Variants in TGFBR3 observed in about 807,000 individuals in gnomAD.
The protein encoded by TGFBR3 is transforming growth factor beta receptor 3.
Under a neutral mutation model 87.9 loss-of-function variants are expected in TGFBR3, and 46 were observed. The ratio of observed to expected loss-of-function variants is 0.52; its 90% CI spans 0.41 to 0.67. TGFBR3 has a LOEUF of 0.67. Ranked by LOEUF, TGFBR3 falls within the 30% of genes least tolerant of loss-of-function variation. The pLI is 0.00. For missense variants in TGFBR3, 866 were observed against 1,041.9 expected, an observed-to-expected ratio of 0.83 and a Z score of 2.32; for synonymous variants, 381 against 391.6, an observed-to-expected ratio of 0.97 and a Z score of 0.32.
At chr1:91,886,510 G>A (rs1161962837), upstream of TGFBR3, among the ~76,000 whole-genome samples, 1 of 152,194 alleles carries the variant, frequency 6.6e-6, no homozygotes, top group Non-Finnish European at 1.5e-5. Context: ...CGAGCTGCGG[G>A]GACTCGCTCC....
chr1:91,747,429 G>A (rs991355122), intron 4 of TGFBR3, among the ~76,000 whole-genome samples: 8 of 152,216 alleles, frequency 5.3e-5, no homozygotes, highest in Non-Finnish European at 8.8e-5. Context: ...TTCCCTCTCT[G>A]TCCCCTCTTC....
Position 91,818,277 on chromosome 1 carries a change from C to CTTTTTTTTTTTTTT in TGFBR3, c.62-20807_62-20806insAAAAAAAAAAAAAA, listed in dbSNP as rs1557726893. ...CTGCACCATTTCCCCTTAGCCCCAG[C>CTTTTTTTTTTTTTT]CTTTTTTTTTTTTTTTTTTTTTTTT... On this transcript the variant is annotated intron_variant, in intron 2 of 16. Coordinates refer to ENST00000212355, the MANE Select transcript of TGFBR3 (RefSeq NM_003243.5). Among the ~76,000 whole-genome samples the CTTTTTTTTTTTTTT allele has an allele frequency of 1.6e-5, 2 of 123,142 alleles. 1 individual carries two copies. Among genetic ancestry groups the CTTTTTTTTTTTTTT allele is most frequent in the Non-Finnish European group, 3.4e-5 (2 of 59,522 alleles). The allele number at this position is 123,142 out of a possible 152,430, so 80.8% of individuals were successfully genotyped here. A position where few individuals can be genotyped will look rare whatever the true frequency, so the allele number is the denominator to read the frequency against.
chr1:91,884,229 A>G (rs1174033103), intron 1 of TGFBR3, among the ~76,000 whole-genome samples: 1 of 151,854 alleles, frequency 6.6e-6, no homozygotes, highest in Non-Finnish European at 1.5e-5. Flanking sequence ...CTGAGTCAGG[A>G]GAAACTCTTG....
chr1:91,805,255 G>A (rs1201697740), intron 2 of TGFBR3, among the ~76,000 whole-genome samples: 1 of 152,128 alleles, frequency 6.6e-6, no homozygotes, highest in African/African-American at 2.4e-5. Context: ...GGTATGTGAC[G>A]AGTACAAGAT....
At chr1:91,788,921 G>A (rs1049374346) in intron 3 of TGFBR3, among the ~76,000 whole-genome samples, 21 of 152,198 alleles carry the variant, frequency 1.4e-4, no homozygotes, top group African/African-American at 4.8e-4. Flanking sequence ...CATGGCAACA[G>A]TAGTACAGGT....
intron 4 of TGFBR3, among the ~76,000 whole-genome samples, chr1:91,747,810 C>T (rs903202803): frequency 6.6e-6 from 1 of 152,194 alleles, no homozygotes; most frequent in African/African-American, 2.4e-5. Context: ...CAAGGCTTCC[C>T]TGAGGAAGAA....
intron 2 of TGFBR3, among the ~76,000 whole-genome samples, chr1:91,803,858 C>G (rs1172800797): frequency 6.6e-6 from 1 of 152,174 alleles, no homozygotes; most frequent in Non-Finnish European, 1.5e-5. Flanking sequence ...TCTCATGGTA[C>G]TCTCCGTTTC....
At chr1:91,807,405 TAACA>T (rs1675873006) in intron 2 of TGFBR3, among the ~76,000 whole-genome samples, 1 of 152,224 alleles carries the variant, frequency 6.6e-6, no homozygotes, top group Non-Finnish European at 1.5e-5. Context: ...ACCTTCCTCC[TAACA>T]AACTAACCCT....
intron 6 of TGFBR3, among the ~76,000 whole-genome samples, chr1:91,729,037 C>A (rs1672652415): frequency 6.6e-5 from 1 of 15,166 alleles, no homozygotes; most frequent in South Asian, 8.7e-4. Context: ...CCAGCATACA[C>A]ACACACACAC....
At chr1:91,778,044 T>A (rs1398015528) in intron 3 of TGFBR3, among the ~76,000 whole-genome samples, 1 of 152,050 alleles carries the variant, frequency 6.6e-6, no homozygotes, top group Non-Finnish European at 1.5e-5. Context: ...TGGAAAATCA[T>A]GAAATTTTTA....
chr1:91,719,790 G>A lies in TGFBR3; in HGVS notation c.1413+103C>T, dbSNP rs565655736. 2.8e-4 allele frequency: 363 copies of A among 1,304,276 alleles called. 1 individual carries two copies. The African/African-American group carries it at 4.0e-3, about 14-fold the overall frequency. 80.8% of individuals were successfully genotyped at this position (1,304,276 alleles called of 1,614,324 possible). A position where few individuals can be genotyped will look rare whatever the true frequency, so the allele number is the denominator to read the frequency against. Reference sequence around the variant, plus strand: ...ACTGAGAAAACAGTATCAAGCCTCCGGAGTTCAAAAATGAAAGAGATAGGG... The same window carrying A: ...ACTGAGAAAACAGTATCAAGCCTCCAGAGTTCAAAAATGAAAGAGATAGGG... On this transcript the variant is annotated intron_variant, in intron 9 of 16. Coordinates refer to ENST00000212355, the MANE Select transcript of TGFBR3 (RefSeq NM_003243.5).
At chr1:91,777,438 C>T (rs894596022) in intron 3 of TGFBR3, among the ~76,000 whole-genome samples, 13 of 152,288 alleles carry the variant, frequency 8.5e-5, no homozygotes, top group African/African-American at 2.6e-4. Flanking sequence ...GTCTCCTCCC[C>T]TAGTCTTGGA....
At chr1:91,801,034 G>A in intron 2 of TGFBR3, 1 of 212,328 alleles carries the variant, frequency 4.7e-6, no homozygotes. Flanking sequence ...AGTGAGCCAA[G>A]ATCGCGCCAT....
chr1:91,759,373 C>T (rs1430693006), intron 3 of TGFBR3, among the ~76,000 whole-genome samples: 1 of 115,080 alleles, frequency 8.7e-6, no homozygotes, highest in Non-Finnish European at 1.7e-5. Context: ...TGATTGTATA[C>T]AGCCCCTGTC....
chr1:91,840,757 T>C (rs1677244210), intron 2 of TGFBR3, among the ~76,000 whole-genome samples: 1 of 152,242 alleles, frequency 6.6e-6, no homozygotes, highest in South Asian at 2.1e-4. Context: ...CGAAATTTTA[T>C]TATTGGCAAC....
At chr1:91,710,217 GCAACATGC>G (rs1183698551) in intron 13 of TGFBR3, among the ~76,000 whole-genome samples, 1 of 152,114 alleles carries the variant, frequency 6.6e-6, no homozygotes, top group African/African-American at 2.4e-5. Flanking sequence ...GCTGCTCTGA[GCAACATGC>G]CAGTCAGACA....
Position 91,704,820 on chromosome 1 carries a change from A to C in TGFBR3, c.2287+3843T>G, listed in dbSNP as rs186509503. ...GGTTCCATTAAAAACAGTGGCCCAG[A>C]GGAGGAATCCAGAAACATTTTTATA... On this transcript the variant is annotated intron_variant, in intron 14 of 16. Coordinates refer to ENST00000212355, the MANE Select transcript of TGFBR3 (RefSeq NM_003243.5). Among the ~76,000 whole-genome samples the C allele has an allele frequency of 1.3e-3, 202 of 152,330 alleles. 1 individual carries two copies. The highest frequency in any genetic ancestry group is 4.5e-3 in the African/African-American group (185 of 41,572).
At chr1:91,787,365 G>T (rs1368168816) in intron 3 of TGFBR3, among the ~76,000 whole-genome samples, 3 of 152,080 alleles carry the variant, frequency 2.0e-5, no homozygotes, top group African/African-American at 7.2e-5. Flanking sequence ...TGAGGAAACA[G>T]GGCTTAGGGA....
intron 3 of TGFBR3, among the ~76,000 whole-genome samples, chr1:91,782,146 C>G (rs555290316): frequency 6.6e-6 from 1 of 151,998 alleles, no homozygotes; most frequent in African/African-American, 2.4e-5. Context: ...AAAGCCCTCA[C>G]GGGGATGCTG....
Sources: allele counts gnomAD v4.1 joint callset (sites outside exome capture counted in the v4.1 genomes callset), GRCh38; gene constraint gnomAD v4.1.1; transcripts MANE v1.5; gene names NCBI Gene and HGNC (gene_info 2026-07-23, HGNC 2026-07-21).